The following ANKRD31 variants were observed in gnomAD, a reference collection of about 807,000 sequenced individuals.
ANKRD31 encodes ankyrin repeat domain-containing protein 31.
Under a neutral mutation model 186.0 loss-of-function variants are expected in ANKRD31, and 147 were observed. That is an observed-to-expected ratio of 0.79 (90% CI 0.69 to 0.91). The LOEUF is 0.91. ANKRD31 is among the 40% of genes least tolerant of loss of function. The probability of loss-of-function intolerance (pLI) is 0.00; values close to 1 mark genes in which losing one functional copy is unlikely to be tolerated. For synonymous variants in ANKRD31, 673 were observed against 736.4 expected (o/e 0.91, Z 1.39); for missense variants, 1,986 against 2,148.8 (o/e 0.92, Z 1.50).
chr5:75,192,741 T>C lies in ANKRD31; in HGVS notation c.1334A>G (p.Glu445Gly). The change falls in exon 9 of 26, where the codon GAG becomes GGG. Residue 445 changes from glutamate (E) to glycine (G), a missense_variant. Coordinates refer to ENST00000506364, the MANE Select transcript of ANKRD31 (RefSeq NM_001372053.1). ...GAACCTTGCTGAATGCATATTCTTC[T>C]CTTTACCATCAATCATTAAAGCCGG... ...QDPALMIDGKEKNMHSARFKN... is the reference protein window; with the variant it reads ...QDPALMIDGKGKNMHSARFKN... 6.5e-7 allele frequency: 1 copy of C among 1,535,760 alleles called. No homozygotes were observed. The highest frequency in any genetic ancestry group is 1.4e-5 in the African/African-American group (1 of 73,100).
At chr5:75,185,603 T>C (rs1011107181) in intron 10 of ANKRD31, among the ~76,000 whole-genome samples, 1 of 151,970 alleles carries the variant, frequency 6.6e-6, no homozygotes, top group Non-Finnish European at 1.5e-5. Context: ...TGGTGTCCTA[T>C]TGAAGAGTTG....
At position 75,068,651 on chromosome 5, in the gene ANKRD31, C is replaced by T; in HGVS notation, c.5661G>A (p.Glu1887=). 1 of 1,504,158 alleles carries T rather than the reference C, an allele frequency of 6.6e-7. No homozygotes were observed. Among genetic ancestry groups the T allele is most frequent in the African/African-American group, 1.4e-5 (1 of 71,666 alleles). The allele number at this position is 1,504,158 out of a possible 1,614,324, so 93.2% of individuals were successfully genotyped here. The change falls in exon 26 of 26, where the codon GAG becomes GAA. Residue 1887 remains glutamate, a synonymous_variant. Coordinates refer to ENST00000506364, the MANE Select transcript of ANKRD31 (RefSeq NM_001372053.1). ...GATAACGTGGGCTGCTTTGCATTGA[C>T]TCTCTGGAAGTTCCTGTTTAAAGAA... The part of the protein sequence containing the change: ...KTKFGQGTSR[E]SMQSSPRYLQ...
intron 3 of ANKRD31, among the ~76,000 whole-genome samples, chr5:75,211,312 A>T (rs1756630107): frequency 6.6e-6 from 1 of 152,200 alleles, no homozygotes; most frequent in African/African-American, 2.4e-5. Flanking sequence ...TGTGGCATGT[A>T]TCTGCATTTT....
intron 10 of ANKRD31, among the ~76,000 whole-genome samples, chr5:75,174,724 A>T (rs1043078928): frequency 2.0e-4 from 30 of 152,340 alleles, no homozygotes; most frequent in Non-Finnish European, 3.4e-4. Context: ...AAAAGTCAGG[A>T]AACAACAGAT....
intron 2 of ANKRD31, among the ~76,000 whole-genome samples, chr5:75,228,453 A>G (rs1269070129): frequency 4.6e-5 from 7 of 152,206 alleles, no homozygotes; most frequent in Non-Finnish European, 4.4e-5. Context: ...ATTGCTAGGT[A>G]GTTTTCCTTT....
chr5:75,118,075 A>G, intron 18 of ANKRD31, 60 bp downstream of exon 18: 1 of 1,224,978 alleles, frequency 8.2e-7, no homozygotes, highest in South Asian at 2.8e-5. Context: ...ACAAATCAGA[A>G]GATTTTCCTA....
intron 25 of ANKRD31, among the ~76,000 whole-genome samples, chr5:75,079,465 CT>C (rs5868762): frequency 0.15 from 22,067 of 144,486 alleles, 1,755 homozygotes; most frequent in South Asian, 0.38. Flanking sequence ...AGCCACCACT[CT>C]TTTTTTTTTT....
In ANKRD31 at chr5:75,146,333, A is replaced by G. The variant is rs1751433732; in HGVS notation, c.3078T>C (p.Asn1026=). The G allele has an allele frequency of 6.5e-7, 1 of 1,536,488 alleles. No homozygotes were observed. Among genetic ancestry groups the G allele is most frequent in the Non-Finnish European group, 8.7e-7 (1 of 1,146,516 alleles). Residue 1026 remains asparagine (N), a synonymous_variant, in exon 14 of 26, where the codon AAT becomes AAC. Transcript: ENST00000506364. ...LLTHEASKLT[N]HVELFKKPQD... ...GTGGCTTTTTGAATAGCTCCACATG[A>G]TTAGTCAACTTTGAAGCCTCATGTG...
intron 17 of ANKRD31, among the ~76,000 whole-genome samples, chr5:75,137,506 T>C (rs1213365639): frequency 6.6e-6 from 1 of 152,172 alleles, no homozygotes; most frequent in Non-Finnish European, 1.5e-5. Flanking sequence ...GTTAAAAAAA[T>C]CTAGCTGTCA....
At chr5:75,177,682 C>G (rs1753919116) in intron 10 of ANKRD31, among the ~76,000 whole-genome samples, 1 of 152,096 alleles carries the variant, frequency 6.6e-6, no homozygotes, top group South Asian at 2.1e-4. Context: ...CAAGCAAATG[C>G]TGAGAGATTT....
intron 20 of ANKRD31, among the ~76,000 whole-genome samples, chr5:75,108,038 A>G (rs1747475057): frequency 6.6e-6 from 1 of 152,028 alleles, no homozygotes; most frequent in Non-Finnish European, 1.5e-5. Context: ...TACATAGATG[A>G]AAAGTAAGAG....
chr5:75,226,220 G>A (rs188308667), intron 2 of ANKRD31, among the ~76,000 whole-genome samples: 1 of 152,288 alleles, frequency 6.6e-6, no homozygotes, highest in East Asian at 1.9e-4. Context: ...AGACCTGCCC[G>A]AGGATTTGGG....
chr5:75,134,404 G>T (rs9740796), intron 17 of ANKRD31, among the ~76,000 whole-genome samples: 2 of 152,056 alleles, frequency 1.3e-5, no homozygotes, highest in African/African-American at 4.8e-5. Flanking sequence ...AAATAAATAA[G>T]AAAATCTAGA....
chr5:75,146,199 T>A lies in ANKRD31; in HGVS notation c.3212A>T (p.Asp1071Val), dbSNP rs1313229195. 15 of 1,535,822 alleles carry A rather than the reference T, an allele frequency of 9.8e-6. No individual in the cohort carries two copies. The highest frequency in any genetic ancestry group is 1.3e-5 in the Non-Finnish European group (15 of 1,146,208). The change falls in exon 14 of 26, where the codon GAC becomes GTC. Residue 1071 changes from aspartate (D) to valine (V), a missense_variant. Physicochemically the swap from Asp to Val is radical, Grantham distance 152 (BLOSUM62 -3). Transcript: ENST00000506364. ...CTCATTTGAATAAATTATTTTTTGGTCTCTGTCAATGTAATTCCTCTCAGT... is the reference window on the plus strand; with the variant it reads ...CTCATTTGAATAAATTATTTTTTGGACTCTGTCAATGTAATTCCTCTCAGT... ...CDTERNYIDR[D>V]QKIIYSNEPL...
chr5:75,128,575 G>A (rs1749451102), intron 17 of ANKRD31, among the ~76,000 whole-genome samples: 1 of 151,392 alleles, frequency 6.6e-6, no homozygotes, highest in South Asian at 2.1e-4. Context: ...TACGATCTTG[G>A]CTCACTGCAA....
chr5:75,132,729 T>G (rs111555627), intron 17 of ANKRD31, among the ~76,000 whole-genome samples: 5,177 of 151,930 alleles, frequency 0.034, 293 homozygotes, highest in African/African-American at 0.12. Flanking sequence ...TTCACCAAAG[T>G]TGAAATGAAG....
rs140915155 is a variant in ANKRD31 at position 75,136,419 on chromosome 5, G to A, written c.3876+1437C>T. Among the ~76,000 whole-genome samples the A allele has an allele frequency of 2.5e-3, 373 of 152,148 alleles. 9 individuals are homozygous for A. The East Asian group carries it at 0.062, about 25-fold the overall frequency. Reference sequence around the variant, plus strand: ...CCAACAGACACATGAAAAAAAGCTCGTCATCACTGGCCATCAGAGAAATGA... The same window carrying A: ...CCAACAGACACATGAAAAAAAGCTCATCATCACTGGCCATCAGAGAAATGA... On this transcript the variant is annotated intron_variant, in intron 17 of 25. Coordinates refer to ENST00000506364, the MANE Select transcript of ANKRD31 (RefSeq NM_001372053.1).
At chr5:75,097,134 C>T (rs1247507431) in intron 22 of ANKRD31, among the ~76,000 whole-genome samples, 3 of 152,180 alleles carry the variant, frequency 2.0e-5, no homozygotes, top group Non-Finnish European at 4.4e-5. Context: ...ATGCATGTGT[C>T]TTTATAGCAG....
At chr5:75,180,324 A>G (rs966220215) in intron 10 of ANKRD31, among the ~76,000 whole-genome samples, 3 of 152,158 alleles carry the variant, frequency 2.0e-5, no homozygotes, top group Admixed American at 6.5e-5. Flanking sequence ...TAATTTACAG[A>G]TTTAATGCCA....
Sources: allele counts gnomAD v4.1 joint callset (sites outside exome capture counted in the v4.1 genomes callset), GRCh38; gene constraint gnomAD v4.1.1; transcripts MANE v1.5; gene names NCBI Gene and HGNC (gene_info 2026-07-23, HGNC 2026-07-21).